Variants in GRID2 observed in about 807,000 individuals in gnomAD.
GRID2 encodes the protein glutamate receptor ionotropic, delta-2.
Under a neutral mutation model 114.8 loss-of-function variants are expected in GRID2, and 33 were observed. That is an observed-to-expected ratio of 0.29 (90% CI 0.22 to 0.38). The LOEUF is 0.38. Among genes scored for constraint, GRID2 ranks in the 10% least tolerant of loss-of-function variants. The pLI is 1.00. For missense variants in GRID2, 1,184 were observed against 1,257.7 expected (o/e 0.94, Z 0.89); for synonymous variants, 505 against 449.9 (o/e 1.12, Z -1.55).
rs541856967 is a variant in GRID2 at position 92,451,502 on chromosome 4, A to C, written c.89-138629A>C. Among the ~76,000 whole-genome samples the C allele has an allele frequency of 3.2e-4, 48 of 152,302 alleles. No homozygotes were observed. The Middle Eastern group carries it at 0.017, about 54-fold the overall frequency. On this transcript the variant is annotated intron_variant, in intron 1 of 15. Coordinates refer to ENST00000282020, the MANE Select transcript of GRID2 (RefSeq NM_001510.4). ...ACATGCAGATACACGCATACAATAG[A>C]ATTTCAATGAGGTACAATCACTTCC...
At chr4:93,677,931 G>C (rs1312404400) in intron 14 of GRID2, among the ~76,000 whole-genome samples, 1 of 135,104 alleles carries the variant, frequency 7.4e-6, no homozygotes, top group African/African-American at 3.1e-5. Context: ...GCTGGATGGA[G>C]AATGACTTTG....
At chr4:92,833,273 T>G (rs1742240947) in intron 2 of GRID2, among the ~76,000 whole-genome samples, 1 of 152,192 alleles carries the variant, frequency 6.6e-6, no homozygotes, top group African/African-American at 2.4e-5. Flanking sequence ...TCCATAAATA[T>G]TGGTTAATAC....
chr4:92,469,823 CAAAAT>C (rs991574591), intron 1 of GRID2, among the ~76,000 whole-genome samples: 21 of 150,972 alleles, frequency 1.4e-4, no homozygotes, highest in African/African-American at 2.4e-4. Context: ...AAAAACAAAA[CAAAAT>C]AAAATAAAAC....
At chr4:93,341,289 T>G (rs964376027) in intron 8 of GRID2, among the ~76,000 whole-genome samples, 2 of 151,826 alleles carry the variant, frequency 1.3e-5, no homozygotes, top group Non-Finnish European at 2.9e-5. Context: ...TTTTCCCCTT[T>G]AAACAATTGT....
Position 93,021,032 on chromosome 4 carries a change from C to CA in GRID2, c.245-63950dup, listed in dbSNP as rs1204464402. 3.3e-3 allele frequency among the ~76,000 whole-genome samples: 349 copies of CA among 104,872 alleles called. 1 individual carries two copies. The highest frequency in any genetic ancestry group is 7.0e-3 in the African/African-American group (193 of 27,656). 68.8% of individuals were successfully genotyped at this position (104,872 alleles called of 152,430 possible). On this transcript the variant is annotated intron_variant, in intron 2 of 15. Coordinates refer to ENST00000282020, the MANE Select transcript of GRID2 (RefSeq NM_001510.4). ...TGGGTGACAGAGCGAGAATTTGTCT[C>CA]AAAAAAAAAAAAAGAGAAAGAAAAA...
At chr4:93,153,291 G>A (rs890675006) in intron 4 of GRID2, among the ~76,000 whole-genome samples, 1 of 151,918 alleles carries the variant, frequency 6.6e-6, no homozygotes, top group Admixed American at 6.6e-5. Context: ...CCATGAGCTG[G>A]TAAAAACACC....
rs762342802 is a variant in GRID2 at position 93,455,893 on chromosome 4, C to G, written c.1777C>G (p.Pro593Ala). 1.2e-6 allele frequency: 2 copies of G among 1,610,698 alleles called. No homozygotes were observed. The highest frequency in any genetic ancestry group is 1.7e-6 in the Non-Finnish European group (2 of 1,177,048). Residue 593 changes from proline to alanine, a missense_variant, in exon 11 of 16, where the codon CCA becomes GCA. By Grantham distance (27) the Pro-to-Ala change is conservative. Around this residue, in one of 3 missense-constraint regions of GRID2, gnomAD observed 717 missense variants for 796.9 expected, o/e 0.90. Coordinates refer to ENST00000282020, the MANE Select transcript of GRID2 (RefSeq NM_001510.4). ...LVYLLNWLNP[P>A]RLQMGSMTST... ...CTACCTCTTGAACTGGCTTAATCCCCCACGATTACAAATGGGATCAATGAC... is the reference window on the plus strand; with the variant it reads ...CTACCTCTTGAACTGGCTTAATCCCGCACGATTACAAATGGGATCAATGAC...
intron 1 of GRID2, among the ~76,000 whole-genome samples, chr4:93,802,479 G>C (rs1734952351): frequency 6.6e-6 from 1 of 152,090 alleles, no homozygotes; most frequent in South Asian, 2.1e-4. Flanking sequence ...GGTGTTACTA[G>C]TACCTCACAA....
chr4:92,334,259 T>C (rs577529231), intron 1 of GRID2, among the ~76,000 whole-genome samples: 1 of 152,174 alleles, frequency 6.6e-6, no homozygotes, highest in Non-Finnish European at 1.5e-5. Context: ...CCTAAGAAGA[T>C]TTAGGCTCTT....
chr4:92,344,282 A>G (rs897997252), intron 1 of GRID2, among the ~76,000 whole-genome samples: 6 of 152,140 alleles, frequency 3.9e-5, no homozygotes, highest in Non-Finnish European at 8.8e-5. Context: ...GAAATGTGTT[A>G]TTTGCCCATT....
intron 1 of GRID2, among the ~76,000 whole-genome samples, chr4:92,433,920 G>A (rs1173208557): frequency 6.6e-6 from 1 of 152,030 alleles, no homozygotes; most frequent in Non-Finnish European, 1.5e-5. Flanking sequence ...ACAGAAATAA[G>A]AATAAATAAA....
chr4:93,437,867 T>C (rs1180580459), intron 10 of GRID2, among the ~76,000 whole-genome samples: 2 of 152,124 alleles, frequency 1.3e-5, no homozygotes, highest in African/African-American at 2.4e-5. Flanking sequence ...TGAGAACACC[T>C]ATTCCACTTC....
intron 1 of GRID2, among the ~76,000 whole-genome samples, chr4:92,457,067 T>A (rs1721252006): frequency 6.6e-6 from 1 of 152,096 alleles, no homozygotes; most frequent in South Asian, 2.1e-4. Context: ...GAGCTTCTTG[T>A]TATAGTTTCT....
chr4:93,121,560 T>C (rs1278216268), intron 4 of GRID2, among the ~76,000 whole-genome samples: 1 of 152,174 alleles, frequency 6.6e-6, no homozygotes, highest in African/African-American at 2.4e-5. Context: ...TATACTTCTG[T>C]TGATGATTTT....
intron 5 of GRID2, among the ~76,000 whole-genome samples, chr4:93,208,421 G>T (rs1021036113): frequency 6.6e-6 from 1 of 151,826 alleles, no homozygotes; most frequent in Non-Finnish European, 1.5e-5. Flanking sequence ...GTATTATCAG[G>T]TGCTCTTAAC....
intron 3 of GRID2, among the ~76,000 whole-genome samples, chr4:93,088,522 G>C (rs1423551846): frequency 6.6e-6 from 1 of 152,058 alleles, no homozygotes; most frequent in Non-Finnish European, 1.5e-5. Flanking sequence ...GTGTAAAGAA[G>C]TATTTAATTT....
At chr4:93,175,231 C>T (rs908775776) in intron 4 of GRID2, among the ~76,000 whole-genome samples, 2 of 152,136 alleles carry the variant, frequency 1.3e-5, no homozygotes, top group Non-Finnish European at 1.5e-5. Flanking sequence ...AGTGCAGTGG[C>T]ATGATCTCGG....
At chr4:92,751,199 ATAAGT>A (rs978883513) in intron 2 of GRID2, among the ~76,000 whole-genome samples, 5 of 152,180 alleles carry the variant, frequency 3.3e-5, no homozygotes, top group African/African-American at 7.2e-5. Flanking sequence ...AGGTTTTAAA[ATAAGT>A]TAGGTGGTAA....
intron 2 of GRID2, among the ~76,000 whole-genome samples, chr4:93,021,857 A>T (rs142471758): frequency 0.02 from 2,917 of 147,666 alleles, 47 homozygotes; most frequent in Non-Finnish European, 0.03. Flanking sequence ...AATAAATATT[A>T]TAACAATATT....
Sources: gnomAD v4.1 joint callset for allele counts (sites outside exome capture counted in the v4.1 genomes callset) on GRCh38, gnomAD v4.1.1 for gene constraint, gnomAD v4.1.1 regional missense constraint, MANE v1.5 for transcripts, NCBI Gene and HGNC (gene_info 2026-07-23, HGNC 2026-07-21) for gene names.